Variants in SLC25A53 observed in about 807,000 individuals in gnomAD.
SLC25A53 encodes solute carrier family 25 member 53.
SLC25A53 carries 5 observed loss-of-function variants against 15.0 expected under a neutral mutation model. The observed-to-expected ratio is 0.33, with a 90% CI of 0.17 to 0.70. SLC25A53 has a LOEUF of 0.70. Ranked by LOEUF, SLC25A53 falls within the 30% of genes least tolerant of loss-of-function variation. The probability of loss-of-function intolerance (pLI) is 0.67; values close to 1 mark genes in which losing one functional copy is unlikely to be tolerated. For missense variants in SLC25A53, 216 were observed against 241.6 expected (o/e 0.89, Z 0.70); for synonymous variants, 95 against 100.0 (o/e 0.95, Z 0.30).
At chrX:104,117,989 T>C (rs1460059625) in intron 1 of SLC25A53, among the ~76,000 whole-genome samples, 4 of 111,531 alleles carry the variant, frequency 3.6e-5, no homozygotes, top group African/African-American at 1.3e-4. Flanking sequence ...TCCTCTGTTG[T>C]GTAAACCTGA....
Position 104,106,542 on chromosome X carries a change from C to A in SLC25A53, c.-31-1254G>T, listed in dbSNP as rs1294558902. Among the ~76,000 whole-genome samples, 5 of 110,938 alleles carry A rather than the reference C, an allele frequency of 4.5e-5. 1 individual carries two copies. The highest frequency in any genetic ancestry group is 2.9e-4 in the Admixed American group (3 of 10,519). On this transcript the variant is annotated intron_variant, in intron 1 of 1. Transcript: ENST00000594199. ...AAGCTTGGCAGGAACTGCAGACCCA[C>A]AAGTTTCACACAGAACCCTGGGCTA...
At chrX:104,133,497 T>G (rs1602499856) in intron 1 of SLC25A53, among the ~76,000 whole-genome samples, 1 of 110,935 alleles carries the variant, frequency 9.0e-6, no homozygotes, top group South Asian at 3.9e-4. Flanking sequence ...CCACCGACAC[T>G]GTCTTAGTTC....
intron 1 of SLC25A53, among the ~76,000 whole-genome samples, chrX:104,136,146 C>CACACATTATATATGTATACAATATGCAT (rs1556366405): frequency 9.9e-5 from 11 of 111,389 alleles, no homozygotes; most frequent in African/African-American, 2.9e-4. Flanking sequence ...ACATATAACA[C>CACACATTATATATGTATACAATATGCAT]ACACATTATA....
At chrX:104,142,873 A>T (rs2075454842) in intron 1 of SLC25A53, among the ~76,000 whole-genome samples, 1 of 101,483 alleles carries the variant, frequency 9.9e-6, no homozygotes. Context: ...GTGAGCCGAG[A>T]TTGCACCACT....
At chrX:104,107,706 T>C (rs1427043397) in intron 1 of SLC25A53, among the ~76,000 whole-genome samples, 1 of 112,175 alleles carries the variant, frequency 8.9e-6, no homozygotes, top group Non-Finnish European at 1.9e-5. Flanking sequence ...TGAGGCAGGA[T>C]GATTTAGCAG....
At chrX:104,117,981 C>T (rs1299342217) in intron 1 of SLC25A53, among the ~76,000 whole-genome samples, 1 of 111,380 alleles carries the variant, frequency 9.0e-6, no homozygotes, top group Non-Finnish European at 1.9e-5. Context: ...CCATCCTGTC[C>T]TCTGTTGTGT....
chrX:104,112,268 T>C (rs1380259056), intron 1 of SLC25A53: 2 of 111,950 alleles, frequency 1.8e-5, no homozygotes, highest in Admixed American at 1.9e-4. Flanking sequence ...AGAGCCGAGG[T>C]GTAAGGGGAT....
At chrX:104,114,099 A>G in intron 1 of SLC25A53, 1 of 1,211,597 alleles carries the variant, frequency 8.3e-7, no homozygotes, top group South Asian at 1.8e-5. Flanking sequence ...CAGATACCCT[A>G]TCGTCGTCAG....
In SLC25A53 at chrX:104,104,883, G is replaced by T. The variant is rs782679427; in HGVS notation, c.375C>A (p.Gly125=). 4 of 1,211,920 alleles carry T rather than the reference G, an allele frequency of 3.3e-6. No individual in the cohort carries two copies. The highest frequency in any genetic ancestry group is 4.5e-6 in the Non-Finnish European group (4 of 895,594). ...GGCTGAGTGCCACGGCCTCCACCAC[G>T]CCAGACATGAGCCCGGCAGCCCAGC... ...GHRWAAGLMS[G]VVEAVALSPF... is the part of the protein sequence containing the mutation. The change falls in exon 2 of 2, where the codon GGC becomes GGA. Residue 125 remains glycine, a synonymous_variant. Transcript: ENST00000594199.
At chrX:104,155,870 C>T (rs782092381) in intron 1 of SLC25A53, among the ~76,000 whole-genome samples, 9 of 109,613 alleles carry the variant, frequency 8.2e-5, no homozygotes, top group Non-Finnish European at 1.3e-4. Flanking sequence ...ATGGTAAAAC[C>T]CCGTCTCTAC....
intron 1 of SLC25A53, among the ~76,000 whole-genome samples, chrX:104,122,779 T>C (rs1221158339): frequency 9.0e-6 from 1 of 111,372 alleles, no homozygotes; most frequent in Non-Finnish European, 1.9e-5. Flanking sequence ...CAAGGAGATA[T>C]ATTTTTATTC....
chrX:104,144,540 A>G (rs1276965995), intron 1 of SLC25A53, among the ~76,000 whole-genome samples: 1 of 111,626 alleles, frequency 9.0e-6, no homozygotes, highest in Non-Finnish European at 1.9e-5. Context: ...GGCCTTCTGC[A>G]TCGATCTCGC....
intron 1 of SLC25A53, among the ~76,000 whole-genome samples, chrX:104,150,197 C>T (rs2075480739): frequency 9.5e-6 from 1 of 105,006 alleles, no homozygotes; most frequent in Non-Finnish European, 1.9e-5. Flanking sequence ...CGCACCACTG[C>T]ACTCCAGTCT....
Position 104,114,744 on chromosome X carries a change from G to C in SLC25A53, c.-31-9456C>G. 12 of 1,211,968 alleles carry C rather than the reference G, an allele frequency of 9.9e-6. No homozygotes were observed. The highest frequency in any genetic ancestry group is 1.2e-5 in the Non-Finnish European group (11 of 895,570). On this transcript the variant is annotated intron_variant, in intron 1 of 1. Coordinates refer to ENST00000594199, the MANE Select transcript of SLC25A53 (RefSeq NM_001012755.5). ...AGGAGCGGCTTCCCAATTTCCTGGA[G>C]TTAATCAAGATGATAAGGGAGGAAG...
intron 1 of SLC25A53, among the ~76,000 whole-genome samples, chrX:104,140,399 T>C (rs973891724): frequency 9.0e-6 from 1 of 110,686 alleles, no homozygotes; most frequent in African/African-American, 3.3e-5. Flanking sequence ...CTGGCTTTTA[T>C]TCTTGCATTG....
chrX:104,123,046 T>C (rs1310659426), intron 1 of SLC25A53, among the ~76,000 whole-genome samples: 2 of 111,994 alleles, frequency 1.8e-5, no homozygotes, highest in Non-Finnish European at 3.8e-5. Context: ...GAGAAGTCTT[T>C]AAAAGAGTGC....
At chrX:104,137,979 A>C (rs2147877008) in intron 1 of SLC25A53, among the ~76,000 whole-genome samples, 1 of 112,696 alleles carries the variant, frequency 8.9e-6, no homozygotes, top group East Asian at 2.8e-4. Context: ...AGATGCTACC[A>C]AATTCTAAAA....
intron 1 of SLC25A53, among the ~76,000 whole-genome samples, chrX:104,155,813 G>A (rs147641901): frequency 0.016 from 1,730 of 110,790 alleles, 42 homozygotes; most frequent in African/African-American, 0.053. Context: ...GGAGGCCGAG[G>A]CAGGCGGATC....
At chrX:104,154,626 A>G (rs2075494981) in intron 1 of SLC25A53, among the ~76,000 whole-genome samples, 1 of 112,467 alleles carries the variant, frequency 8.9e-6, no homozygotes, top group Non-Finnish European at 1.9e-5. Flanking sequence ...TGTGCTATAC[A>G]TACACAATGA....
Sources: gnomAD v4.1 joint callset for allele counts (sites outside exome capture counted in the v4.1 genomes callset) on GRCh38, gnomAD v4.1.1 for gene constraint, MANE v1.5 for transcripts, NCBI Gene and HGNC (gene_info 2026-07-23, HGNC 2026-07-21) for gene names.